TNS1: variants seen among roughly 807,000 people sequenced by gnomAD.
The protein encoded by TNS1 is tensin-1.
In TNS1, 62 loss-of-function variants were observed where a neutral mutation model predicts 168.6. The ratio of observed to expected loss-of-function variants is 0.37; its 90% confidence interval spans 0.30 to 0.45. The LOEUF (loss-of-function observed/expected upper bound fraction) is 0.45, where lower values mean the gene tolerates loss of function less well. TNS1 is among the 20% of genes least tolerant of loss of function. TNS1 has a pLI of 1.00. For synonymous variants in TNS1, 934 were observed against 933.2 expected (o/e 1.00, Z -0.02); for missense variants, 2,240 against 2,339.4 (o/e 0.96, Z 0.88).
intron 18 of TNS1, among the ~76,000 whole-genome samples, chr2:217,870,370 GA>G (rs969176380): frequency 2.6e-4 from 40 of 152,392 alleles, no homozygotes; most frequent in African/African-American, 9.1e-4. Flanking sequence ...AAACAGAAAG[GA>G]AGGAAGGAAA....
chr2:217,961,083 A>G (rs1475532914), intron 3 of TNS1, among the ~76,000 whole-genome samples: 1 of 152,010 alleles, frequency 6.6e-6, no homozygotes, highest in Non-Finnish European at 1.5e-5. Context: ...CAAATCCTGG[A>G]AAGCCACATA....
Position 217,818,069 on chromosome 2 carries a change from C to T in TNS1, c.4263G>A (p.Leu1421=), listed in dbSNP as rs749395397. The change falls in exon 24 of 33, where the codon TTG becomes TTA. Residue 1421 remains leucine, a synonymous_variant. Transcript: ENST00000682258. The part of the protein sequence containing the change: ...SGSVVPGSPC[L]DRHVAYGGYS... ...AGCCACCATAGGCCACATGCCGGTCCAAGCAGGGGCTGCCGGGAACCACAG... is the reference window on the plus strand; with the variant it reads ...AGCCACCATAGGCCACATGCCGGTCTAAGCAGGGGCTGCCGGGAACCACAG... 2 of 1,611,900 alleles carry T rather than the reference C, an allele frequency of 1.2e-6. No homozygotes were observed. The highest frequency in any genetic ancestry group is 1.1e-5 in the South Asian group (1 of 90,612).
intron 19 of TNS1, among the ~76,000 whole-genome samples, chr2:217,840,795 C>T (rs143920274): frequency 1.2e-3 from 180 of 152,338 alleles, no homozygotes; most frequent in African/African-American, 4.2e-3. Flanking sequence ...CTCCTGAGCA[C>T]CCTCATTGCA....
At chr2:217,806,717 T>C (rs970724909) in intron 32 of TNS1, among the ~76,000 whole-genome samples, 23 of 152,350 alleles carry the variant, frequency 1.5e-4, no homozygotes, top group African/African-American at 5.3e-4. Flanking sequence ...CTACCATCAC[T>C]GACCATGTGA....
chr2:217,958,003 T>TCACACACACACACACACACACACACACA (rs57381974), intron 3 of TNS1, among the ~76,000 whole-genome samples: 48 of 145,734 alleles, frequency 3.3e-4, no homozygotes, highest in African/African-American at 1.2e-3. Flanking sequence ...AATAAAGAAT[T>TCACACACACACACACACACACACACACA]CACACACACA....
intron 3 of TNS1, among the ~76,000 whole-genome samples, chr2:217,968,963 T>A (rs892777638): frequency 6.6e-6 from 1 of 152,184 alleles, no homozygotes; most frequent in African/African-American, 2.4e-5. Context: ...CCTCCCAAAG[T>A]GCTGGGATTA....
intron 16 of TNS1, 68 bp downstream of exon 16, chr2:217,884,967 T>C: frequency 6.3e-7 from 1 of 1,596,770 alleles, no homozygotes. Context: ...ACCCACCATA[T>C]CGTCTCAAAC....
intron 19 of TNS1, among the ~76,000 whole-genome samples, chr2:217,837,794 A>G (rs571502457): frequency 2.3e-4 from 35 of 152,364 alleles, no homozygotes; most frequent in African/African-American, 8.2e-4. Context: ...GAACAGAAAA[A>G]TAGGAGTCCC....
intron 32 of TNS1, among the ~76,000 whole-genome samples, chr2:217,806,706 G>C (rs1280224429): frequency 6.6e-6 from 1 of 152,206 alleles, no homozygotes; most frequent in Non-Finnish European, 1.5e-5. Context: ...CCTCTCCTAA[G>C]CTACCATCAC....
At chr2:217,919,910 C>T (rs767250412) in intron 4 of TNS1, among the ~76,000 whole-genome samples, 1 of 152,216 alleles carries the variant, frequency 6.6e-6, no homozygotes, top group Non-Finnish European at 1.5e-5. Flanking sequence ...CCCGGGACAA[C>T]AGGCACCTGG....
At chr2:217,873,507 C>G (rs548624222) in intron 18 of TNS1, among the ~76,000 whole-genome samples, 2 of 152,256 alleles carry the variant, frequency 1.3e-5, no homozygotes, top group East Asian at 3.9e-4. Flanking sequence ...CACCTCAACC[C>G]GGGTCTTTGC....
chr2:217,861,239 A>G (rs1348987648), intron 18 of TNS1, among the ~76,000 whole-genome samples: 1 of 152,172 alleles, frequency 6.6e-6, no homozygotes, highest in African/African-American at 2.4e-5. Context: ...ACAGTGCCCG[A>G]TGGAGTGGGT....
chr2:217,953,343 C>T (rs527416267), intron 3 of TNS1, among the ~76,000 whole-genome samples: 1 of 152,324 alleles, frequency 6.6e-6, no homozygotes, highest in Non-Finnish European at 1.5e-5. Context: ...TTTCTTGGAA[C>T]ATTGTGTTCA....
chr2:217,918,842 C>A (rs1469212691), intron 4 of TNS1, among the ~76,000 whole-genome samples: 1 of 152,130 alleles, frequency 6.6e-6, no homozygotes, highest in Non-Finnish European at 1.5e-5. Context: ...CACTCCACCC[C>A]CCAGCCCCCG....
chr2:217,967,047 C>A (rs1050003934), intron 3 of TNS1, among the ~76,000 whole-genome samples: 1 of 152,170 alleles, frequency 6.6e-6, no homozygotes, highest in African/African-American at 2.4e-5. Context: ...AGGCCGGGTG[C>A]GGTGGCTCAC....
At chr2:217,897,706 G>A (rs1952467462) in intron 8 of TNS1, 92 bp downstream of exon 8, 1 of 1,352,984 alleles carries the variant, frequency 7.4e-7, no homozygotes, top group Non-Finnish European at 1.0e-6. Flanking sequence ...GCTGGCACAG[G>A]GGCTGGTGGC....
chr2:218,013,008 G>A (rs1371441822), upstream of TNS1, among the ~76,000 whole-genome samples: 2 of 151,994 alleles, frequency 1.3e-5, no homozygotes, highest in African/African-American at 4.8e-5. Context: ...GGCACTTTGG[G>A]AGGCTGAGGC....
intron 18 of TNS1, among the ~76,000 whole-genome samples, chr2:217,874,052 A>ACT: frequency 7.5e-6 from 1 of 133,534 alleles, no homozygotes; most frequent in South Asian, 2.7e-4. Flanking sequence ...ACACACACAC[A>ACT]CAGCTAGCAG....
At chr2:217,973,441 A>G (rs900619388) in intron 3 of TNS1, among the ~76,000 whole-genome samples, 3 of 152,076 alleles carry the variant, frequency 2.0e-5, no homozygotes, top group African/African-American at 7.2e-5. Context: ...CAGGAGAGAA[A>G]CAACTGGGGA....
Sources: gnomAD v4.1 joint callset for allele counts (sites outside exome capture counted in the v4.1 genomes callset) on GRCh38, gnomAD v4.1.1 for gene constraint, MANE v1.5 for transcripts, NCBI Gene and HGNC (gene_info 2026-07-23, HGNC 2026-07-21) for gene names.